Variants in AAK1 observed in about 807,000 individuals in gnomAD.
AAK1 encodes AP2 associated kinase 1.
In AAK1, 37 loss-of-function variants were observed where a neutral mutation model predicts 116.0. The observed-to-expected ratio is 0.32, with a 90% CI of 0.25 to 0.42. AAK1 has a LOEUF of 0.42. AAK1 is among the 10% of genes least tolerant of loss of function. The pLI, the probability that AAK1 is intolerant of heterozygous loss-of-function variation, is 1.00. For missense variants in AAK1, 919 were observed against 1,170.6 expected (o/e 0.79, Z 3.14); for synonymous variants, 458 against 439.9 (o/e 1.04, Z -0.51).
In AAK1 at chr2:69,465,667, T is replaced by C. The variant is rs1674462893; in HGVS notation, c.*10202A>G. Reference sequence around the variant, plus strand: ...TGGGGGCGGAATGGTTTGCCAGCCATGGGGCCTGAGACAGCTTCTTTCTGG... The same window carrying C: ...TGGGGGCGGAATGGTTTGCCAGCCACGGGGCCTGAGACAGCTTCTTTCTGG... On this transcript the variant is annotated 3_prime_UTR_variant, in exon 22 of 22. Transcript: ENST00000409085. 1 of 1,290,912 alleles carries C rather than the reference T, an allele frequency of 7.7e-7. No homozygotes were observed. Among genetic ancestry groups the C allele is most frequent in the Non-Finnish European group, 1.0e-6 (1 of 988,856 alleles). 80.0% of individuals were successfully genotyped at this position (1,290,912 alleles called of 1,614,324 possible). A position where few individuals can be genotyped will look rare whatever the true frequency, so the allele number is the denominator to read the frequency against.
chr2:69,499,705 T>C (rs1471224805), intron 16 of AAK1, among the ~76,000 whole-genome samples: 9 of 152,172 alleles, frequency 5.9e-5, no homozygotes, highest in African/African-American at 1.4e-4. Flanking sequence ...TTTTAAGTCC[T>C]TGAAATATTT....
At chr2:69,501,940 C>T (rs1675994055) in intron 16 of AAK1, among the ~76,000 whole-genome samples, 1 of 152,098 alleles carries the variant, frequency 6.6e-6, no homozygotes, top group African/African-American at 2.4e-5. Flanking sequence ...CACTGCACTC[C>T]AGCCTAGGCA....
At chr2:69,555,228 T>C (rs868179065) in intron 3 of AAK1, among the ~76,000 whole-genome samples, 1 of 152,224 alleles carries the variant, frequency 6.6e-6, no homozygotes, top group South Asian at 2.1e-4. Context: ...TCTGGAGCTA[T>C]GTGCAGGGGA....
chr2:69,518,852 T>C (rs554293489), intron 12 of AAK1, 102 bp downstream of exon 12: 2 of 1,425,194 alleles, frequency 1.4e-6, no homozygotes, highest in African/African-American at 1.4e-5. Context: ...GAAACAGTGA[T>C]GTAATGTTTA....
At chr2:69,521,799 T>C (rs113679608) in intron 10 of AAK1, among the ~76,000 whole-genome samples, 3,067 of 152,272 alleles carry the variant, frequency 0.02, 95 homozygotes, top group African/African-American at 0.07. Flanking sequence ...TATTCCTTGA[T>C]CCTGCTGCTA....
chr2:69,520,977 G>C lies in AAK1; in HGVS notation c.1067C>G (p.Pro356Arg), dbSNP rs775261184. ...AATTGAAGTCTCTGTGGTGGGAATG[G>C]GATCTGTCAGTCTAGAAAGGGAAAA... Reference protein sequence around the residue: ...KTQPKARLTDPIPTTETSIAP... With the variant: ...KTQPKARLTDRIPTTETSIAP... The change falls in exon 11 of 22, where the codon CCC (proline) becomes CGC (arginine). Residue 356 changes from proline to arginine, a missense_variant. By Grantham distance (103) the Pro-to-Arg change is moderately radical (BLOSUM62 -2). Coordinates refer to ENST00000409085, the MANE Select transcript of AAK1 (RefSeq NM_014911.5). The C allele has an allele frequency of 6.2e-7, 1 of 1,613,934 alleles. No homozygotes were observed. The highest frequency in any genetic ancestry group is 1.1e-5 in the South Asian group (1 of 91,078).
In AAK1 at chr2:69,518,383, A is replaced by G. The variant is rs184048594; in HGVS notation, c.1497+571T>C. On this transcript the variant is annotated intron_variant, in intron 12 of 21. Transcript: ENST00000409085. ...TTACAGTTGTATTAGAAAAAAGAAG[A>G]AAAAAAAGCAGTCCTTAAAAAAAAA... Among the ~76,000 whole-genome samples, 346 of 151,774 alleles carry G rather than the reference A, an allele frequency of 2.3e-3. 2 individuals are homozygous for G. The highest frequency in any genetic ancestry group is 0.018 in the Admixed American group (271 of 15,230).
At chr2:69,519,356 C>A in intron 11 of AAK1, 116 bp from the exon 12 acceptor site, 1 of 1,355,024 alleles carries the variant, frequency 7.4e-7, no homozygotes, top group African/African-American at 1.5e-5. Flanking sequence ...TCTCAAGATT[C>A]GTGTCCTCCT....
intron 5 of AAK1, among the ~76,000 whole-genome samples, chr2:69,535,406 CA>C (rs11338408): frequency 0.26 from 40,075 of 151,852 alleles, 6,461 homozygotes; most frequent in East Asian, 0.51. Flanking sequence ...TACTATATGC[CA>C]AGAACTTTTC....
At chr2:69,501,547 C>A (rs911241551) in intron 16 of AAK1, among the ~76,000 whole-genome samples, 1 of 152,168 alleles carries the variant, frequency 6.6e-6, no homozygotes, top group Admixed American at 6.5e-5. Flanking sequence ...CCTCCCTCCC[C>A]ACTTTTGTGC....
chr2:69,633,115 G>A (rs1675274881), intron 2 of AAK1, among the ~76,000 whole-genome samples: 1 of 151,180 alleles, frequency 6.6e-6, no homozygotes, highest in Non-Finnish European at 1.5e-5. Context: ...CAGCTACTCA[G>A]CCGACAGGCA....
At position 69,642,980 on chromosome 2, in the gene AAK1, T is replaced by A. The variant is rs1415533344; in HGVS notation, c.61A>T (p.Ser21Cys). ...CCCGAGGTGCTGCCCCCTCCTCCGC[T>A]GGAGCCGGAGCCCAGGCCAGAGCCG... ...QGGSGLGSGS[S>C]GGGGSTSGLG... is the part of the protein sequence containing the mutation. The change falls in exon 2 of 22, where the codon AGC becomes TGC. Residue 21 changes from serine to cysteine, a missense_variant. Ser to Cys is a moderately radical substitution (Grantham distance 112, BLOSUM62 -1). Transcript: ENST00000409085. The A allele has an allele frequency of 3.1e-6, 5 of 1,612,398 alleles. No homozygotes were observed. The South Asian group carries it at 4.4e-5, about 14-fold the overall frequency.
At chr2:69,629,701 T>G (rs969977607) in intron 2 of AAK1, among the ~76,000 whole-genome samples, 7 of 152,220 alleles carry the variant, frequency 4.6e-5, no homozygotes, top group Non-Finnish European at 8.8e-5. Context: ...TAATTAGTAC[T>G]GATTTACTGT....
chr2:69,589,903 T>C (rs1001072585), intron 2 of AAK1, among the ~76,000 whole-genome samples: 5 of 151,742 alleles, frequency 3.3e-5, no homozygotes, highest in African/African-American at 1.2e-4. Context: ...TTAAGGTAGC[T>C]CCATTTTGTC....
chr2:69,582,572 C>T (rs978397926), intron 2 of AAK1, among the ~76,000 whole-genome samples: 1 of 152,160 alleles, frequency 6.6e-6, no homozygotes. Context: ...AGACCTGCTA[C>T]TGGGGGGTGA....
Position 69,464,813 on chromosome 2 carries a change from G to A in AAK1, c.*11056C>T, listed in dbSNP as rs920892764. 7.8e-5 allele frequency: 12 copies of A among 153,014 alleles called. No individual in the cohort carries two copies. The highest frequency in any genetic ancestry group is 1.3e-4 in the Non-Finnish European group (9 of 68,706). 9.5% of individuals were successfully genotyped at this position (153,014 alleles called of 1,614,324 possible). A position where few individuals can be genotyped will look rare whatever the true frequency, so the allele number is the denominator to read the frequency against. On this transcript the variant is annotated 3_prime_UTR_variant, in exon 22 of 22. Transcript: ENST00000409085. ...CACCCATAGACAGTCATGCACGAGA[G>A]CCAGCCTGGCTTGCACACAGACTGA...
intron 3 of AAK1, among the ~76,000 whole-genome samples, chr2:69,550,408 G>T (rs542853480): frequency 1.3e-5 from 2 of 152,012 alleles, no homozygotes; most frequent in Non-Finnish European, 2.9e-5. Flanking sequence ...AGCCTCAAGC[G>T]ATTCTCCTGC....
intron 2 of AAK1, among the ~76,000 whole-genome samples, chr2:69,619,578 A>T (rs983824024): frequency 2.6e-5 from 4 of 152,234 alleles, no homozygotes; most frequent in Non-Finnish European, 5.9e-5. Context: ...AGGAGAGACA[A>T]TACACAAACA....
chr2:69,575,421 T>C (rs1672268543), intron 2 of AAK1, among the ~76,000 whole-genome samples: 1 of 152,116 alleles, frequency 6.6e-6, no homozygotes, highest in South Asian at 2.1e-4. Flanking sequence ...TGCAATATTT[T>C]TTAAAAATTG....
Sources: gnomAD v4.1 joint callset for allele counts (sites outside exome capture counted in the v4.1 genomes callset) on GRCh38, gnomAD v4.1.1 for gene constraint, MANE v1.5 for transcripts, NCBI Gene and HGNC (gene_info 2026-07-23, HGNC 2026-07-21) for gene names.